UNC80: variants seen among roughly 807,000 people sequenced by gnomAD.
The protein encoded by UNC80 is protein unc-80 homolog.
Under a neutral mutation model 384.6 loss-of-function variants are expected in UNC80, and 164 were observed. The ratio of observed to expected loss-of-function variants is 0.43; its 90% confidence interval spans 0.38 to 0.49. The LOEUF is 0.49. Among genes scored for constraint, UNC80 ranks in the 20% least tolerant of loss-of-function variants. The pLI, the probability that UNC80 is intolerant of heterozygous loss-of-function variation, is 0.00. For synonymous variants in UNC80, 1,486 were observed against 1,527.8 expected, an observed-to-expected ratio of 0.97 and a Z score of 0.64; for missense variants, 3,330 against 4,143.0, an observed-to-expected ratio of 0.80 and a Z score of 5.39.
chr2:209,789,784 G>C (rs965067270), intron 6 of UNC80, among the ~76,000 whole-genome samples, 179 bp downstream of exon 6: 1 of 151,496 alleles, frequency 6.6e-6, no homozygotes, highest in African/African-American at 2.4e-5. Context: ...TTAATTTTCT[G>C]TATCTCCCCA....
In UNC80 at chr2:209,793,777, A is replaced by G; in HGVS notation, c.856A>G (p.Ile286Val). The change falls in exon 7 of 65, where the codon ATT becomes GTT. Residue 286 changes from isoleucine to valine, a missense_variant. This residue lies in a region of UNC80 where 937 missense variants were observed against 1,026.8 expected (regional missense o/e 0.91). Coordinates refer to ENST00000673920, the MANE Select transcript of UNC80 (RefSeq NM_001371986.1). ...TGATTCCATCTCACCCAAGGCCACC[A>G]TTTCAGGCTGTCACCGAGGAAACTC... ...QSDSISPKAT[I>V]SGCHRGNSFD... The G allele has an allele frequency of 6.2e-7, 1 of 1,614,158 alleles. No homozygotes were observed. Among genetic ancestry groups the G allele is most frequent in the South Asian group, 1.1e-5 (1 of 91,078 alleles).
At chr2:209,962,842 A>G (rs1359677780) in intron 51 of UNC80, among the ~76,000 whole-genome samples, 1 of 152,230 alleles carries the variant, frequency 6.6e-6, no homozygotes, top group African/African-American at 2.4e-5. Context: ...GCACTTGAAT[A>G]TGTGTAAAAG....
chr2:209,957,900 G>A (rs2092469126), intron 49 of UNC80, among the ~76,000 whole-genome samples, 164 bp downstream of exon 49: 1 of 152,038 alleles, frequency 6.6e-6, no homozygotes, highest in Non-Finnish European at 1.5e-5. Context: ...AAATACCAAG[G>A]CTTCTTTTGA....
chr2:209,895,520 C>CT (rs2086722015), intron 27 of UNC80, among the ~76,000 whole-genome samples: 2 of 152,084 alleles, frequency 1.3e-5, no homozygotes. Flanking sequence ...TATATGACTT[C>CT]TTTTTTTACA....
intron 49 of UNC80, among the ~76,000 whole-genome samples, chr2:209,958,707 C>T (rs918594946): frequency 6.6e-6 from 1 of 152,066 alleles, no homozygotes. Context: ...TCTTAGTATC[C>T]ATGAATCATA....
At chr2:209,796,257 A>G (rs185191684) in intron 7 of UNC80, 2 of 151,862 alleles carry the variant, frequency 1.3e-5, no homozygotes, top group East Asian at 1.9e-4. Context: ...GTTTTGGCCA[A>G]TTTCTCCCAT....
At chr2:209,861,339 T>C (rs1251241656) in intron 22 of UNC80, among the ~76,000 whole-genome samples, 1 of 152,244 alleles carries the variant, frequency 6.6e-6, no homozygotes, top group East Asian at 1.9e-4. Context: ...GTTTATGTGA[T>C]GGATTACATT....
intron 4 of UNC80, among the ~76,000 whole-genome samples, chr2:209,777,993 G>T (rs1230846008): frequency 6.6e-6 from 1 of 152,166 alleles, no homozygotes; most frequent in East Asian, 1.9e-4. Context: ...TCCTCAAAAT[G>T]CAACTTTAAT....
intron 29 of UNC80, among the ~76,000 whole-genome samples, chr2:209,911,695 A>G (rs1210538804): frequency 6.6e-6 from 1 of 152,174 alleles, no homozygotes; most frequent in African/African-American, 2.4e-5. Flanking sequence ...ATGGCACTGG[A>G]AAAACAAATG....
chr2:209,912,585 C>T lies in UNC80; in HGVS notation c.4808C>T (p.Thr1603Ile), dbSNP rs1223583786. ...TGCTCAGATAAGTCATGCCTGAGGA[C>T]ACCTTCTCTAAAGAAGAGAGTTTCA... Reference protein sequence around the residue: ...KECSDKSCLRTPSLKKRVSDA... With the variant: ...KECSDKSCLRIPSLKKRVSDA... The change falls in exon 30 of 65, where the codon ACA (threonine) becomes ATA (isoleucine). Residue 1603 changes from threonine (T) to isoleucine (I), a missense_variant. By Grantham distance (89) the Thr-to-Ile change is moderately conservative. Transcript: ENST00000673920. 3 of 1,551,216 alleles carry T rather than the reference C, an allele frequency of 1.9e-6. No individual in the cohort carries two copies. Among genetic ancestry groups the T allele is most frequent in the Non-Finnish European group, 1.7e-6 (2 of 1,146,626 alleles).
At chr2:209,979,155 A>G (rs555616820) in intron 59 of UNC80, among the ~76,000 whole-genome samples, 21 of 152,250 alleles carry the variant, frequency 1.4e-4, no homozygotes, top group Non-Finnish European at 2.5e-4. Context: ...AGGCTGAGGC[A>G]TGGGAACCAC....
Position 209,872,978 on chromosome 2 carries a change from T to C in UNC80, c.3840+8T>C. ...TTCTACCAATGGGGAGACGTGAGCT[T>C]TCGGTTTTCTTCTATAACAATTAGG... On this transcript the variant is annotated splice_region_variant and intron_variant, in intron 23 of 64. Coordinates refer to ENST00000673920, the MANE Select transcript of UNC80 (RefSeq NM_001371986.1). The surrounding 1 kb of genome is among the most constrained non-coding windows in gnomAD (Gnocchi z 4.1). 1 of 1,551,096 alleles carries C rather than the reference T, an allele frequency of 6.4e-7. No homozygotes were observed. The highest frequency in any genetic ancestry group is 8.7e-7 in the Non-Finnish European group (1 of 1,146,510).
intron 28 of UNC80, among the ~76,000 whole-genome samples, chr2:209,898,165 G>A (rs2086993217): frequency 6.6e-6 from 1 of 151,926 alleles, no homozygotes; most frequent in Non-Finnish European, 1.5e-5. Context: ...AAAAGACCCA[G>A]AACCAGATTT....
intron 51 of UNC80, among the ~76,000 whole-genome samples, chr2:209,965,839 T>C (rs1235431543): frequency 1.3e-5 from 2 of 151,564 alleles, no homozygotes; most frequent in Non-Finnish European, 2.9e-5. Flanking sequence ...CCTGACTGCC[T>C]ACAGGATATT....
At chr2:209,863,668 G>GTGT (rs1259910426) in intron 22 of UNC80, among the ~76,000 whole-genome samples, 1 of 151,796 alleles carries the variant, frequency 6.6e-6, no homozygotes, top group Non-Finnish European at 1.5e-5. Context: ...TTCTCATACT[G>GTGT]TGTTTTTCAG....
Position 209,803,926 on chromosome 2 carries a change from G to A in UNC80, c.939-9654G>A, listed in dbSNP as rs117474905. Among the ~76,000 whole-genome samples the A allele has an allele frequency of 4.1e-4, 63 of 152,122 alleles. 1 individual carries two copies. In the East Asian group the frequency reaches 0.011, roughly 27 times the overall value. On this transcript the variant is annotated intron_variant, in intron 7 of 64. Coordinates refer to ENST00000673920, the MANE Select transcript of UNC80 (RefSeq NM_001371986.1). ...TTAAAAACATTTTTTTTGTAGAGAC[G>A]TGGTCTTGCTATGTTGCCCAGGCTG... is the stretch of plus-strand genomic sequence containing the variant.
Position 209,927,001 on chromosome 2 carries a change from A to G in UNC80, c.5806+15A>G, listed in dbSNP as rs2090483656. The G allele has an allele frequency of 6.4e-7, 1 of 1,551,082 alleles. No individual in the cohort carries two copies. The highest frequency in any genetic ancestry group is 2.0e-5 in the Admixed American group (1 of 50,956). Reference sequence around the variant, plus strand: ...TGGAGTAGCAGGTACAGTTTTGAACAGTCAGATCATCAGTGACATTCTTAA... The same window carrying G: ...TGGAGTAGCAGGTACAGTTTTGAACGGTCAGATCATCAGTGACATTCTTAA... On this transcript the variant is annotated intron_variant, in intron 36 of 64. Transcript: ENST00000673920.
rs1271331925 is a variant in UNC80, at chr2:209,820,505, A to G, written c.2157A>G (p.Lys719=). 3 of 1,551,470 alleles carry G rather than the reference A, an allele frequency of 1.9e-6. No homozygotes were observed. The African/African-American group carries it at 4.1e-5, about 21-fold the overall frequency. ...KRPSEGAFQF[K]GVSGSSTCGF... ...CAAGTGAGGGAGCTTTCCAATTCAAAGGAGTATCTGGAAGTTCCACCTGTG... is the reference window on the plus strand; with the variant it reads ...CAAGTGAGGGAGCTTTCCAATTCAAGGGAGTATCTGGAAGTTCCACCTGTG... The change falls in exon 13 of 65, where the codon AAA becomes AAG. Residue 719 remains lysine, a synonymous_variant. Transcript: ENST00000673920.
At chr2:209,894,840 A>C (rs562648811) in intron 27 of UNC80, among the ~76,000 whole-genome samples, 4 of 152,216 alleles carry the variant, frequency 2.6e-5, no homozygotes, top group Non-Finnish European at 5.9e-5. Flanking sequence ...AAGATTCTCT[A>C]TATTTTAAAG....
Sources: allele counts gnomAD v4.1 joint callset (sites outside exome capture counted in the v4.1 genomes callset), GRCh38; gene constraint gnomAD v4.1.1; regional missense constraint gnomAD v4.1.1; non-coding constraint Gnocchi (gnomAD v3.1); transcripts MANE v1.5; gene names NCBI Gene and HGNC (gene_info 2026-07-23, HGNC 2026-07-21).